The following SLC35F4 variants were observed in gnomAD, a reference collection of about 807,000 sequenced individuals.
The protein encoded by SLC35F4 is solute carrier family 35 member F4.
Under a neutral mutation model 44.2 loss-of-function variants are expected in SLC35F4, and 24 were observed. That is an observed-to-expected ratio of 0.54 (90% CI 0.39 to 0.76). The LOEUF (loss-of-function observed/expected upper bound fraction) is 0.76, where lower values mean the gene tolerates loss of function less well. Ranked by LOEUF, SLC35F4 falls within the 30% of genes least tolerant of loss-of-function variation. SLC35F4 has a pLI of 0.00. For synonymous variants in SLC35F4, 238 were observed against 223.6 expected (o/e 1.06, Z -0.57); for missense variants, 562 against 586.1 (o/e 0.96, Z 0.42).
chr14:57,845,735 A>G (rs1885961392), intron 1 of SLC35F4, among the ~76,000 whole-genome samples: 1 of 152,224 alleles, frequency 6.6e-6, no homozygotes, highest in Non-Finnish European at 1.5e-5. Context: ...CATCAAGTGT[A>G]AATATTTTTT....
intron 1 of SLC35F4, among the ~76,000 whole-genome samples, chr14:57,968,370 G>A (rs1880953655): frequency 6.6e-6 from 1 of 152,112 alleles, no homozygotes; most frequent in Admixed American, 6.6e-5. Context: ...TTACACAATG[G>A]CACAACTACA....
intron 1 of SLC35F4, among the ~76,000 whole-genome samples, chr14:57,822,579 C>T (rs1028534577): frequency 6.6e-6 from 1 of 152,030 alleles, no homozygotes; most frequent in East Asian, 1.9e-4. Context: ...AAAAACCCAA[C>T]ATATTACTAG....
At chr14:57,672,365 A>T (rs1192144917) in intron 1 of SLC35F4, among the ~76,000 whole-genome samples, 1 of 152,140 alleles carries the variant, frequency 6.6e-6, no homozygotes, top group African/African-American at 2.4e-5. Flanking sequence ...ATCAAGAATT[A>T]TAACAACTGA....
At chr14:57,938,961 C>T (rs878085) in intron 1 of SLC35F4, among the ~76,000 whole-genome samples, 62,035 of 151,838 alleles carry the variant, frequency 0.41, 14,280 homozygotes, top group East Asian at 0.8. Flanking sequence ...TAATGTTTAA[C>T]GTAAATTATG....
intron 1 of SLC35F4, among the ~76,000 whole-genome samples, chr14:57,626,327 A>G (rs1371466956): frequency 6.8e-6 from 1 of 147,726 alleles, no homozygotes; most frequent in African/African-American, 2.5e-5. Context: ...TATTTTAAAA[A>G]GGAAACATAA....
intron 1 of SLC35F4, among the ~76,000 whole-genome samples, chr14:57,795,295 A>G (rs555049663): frequency 7.9e-5 from 12 of 152,322 alleles, no homozygotes; most frequent in African/African-American, 2.9e-4. Flanking sequence ...TGTTCTGTCT[A>G]TGACTTTCAC....
At chr14:57,787,264 T>C (rs1027942619) in intron 1 of SLC35F4, among the ~76,000 whole-genome samples, 6 of 152,154 alleles carry the variant, frequency 3.9e-5, no homozygotes, top group Non-Finnish European at 7.4e-5. Flanking sequence ...TCTGGGATTA[T>C]GTTAAACGAC....
chr14:57,647,457 G>T (rs549645695), intron 1 of SLC35F4, among the ~76,000 whole-genome samples: 1 of 151,486 alleles, frequency 6.6e-6, no homozygotes, highest in African/African-American at 2.4e-5. Flanking sequence ...TAGAGCTAAT[G>T]GTGTCTTACA....
intron 1 of SLC35F4, among the ~76,000 whole-genome samples, chr14:57,610,302 G>T (rs537386028): frequency 6.6e-6 from 1 of 152,310 alleles, no homozygotes; most frequent in African/African-American, 2.4e-5. Context: ...GTGAGAATCT[G>T]TAGGACCCTG....
At chr14:57,840,684 A>G (rs1379718741) in intron 1 of SLC35F4, among the ~76,000 whole-genome samples, 1 of 152,178 alleles carries the variant, frequency 6.6e-6, no homozygotes, top group African/African-American at 2.4e-5. Flanking sequence ...AAACCTTATC[A>G]CTCATGATTG....
intron 1 of SLC35F4, among the ~76,000 whole-genome samples, chr14:57,613,333 T>G (rs1180109767): frequency 2.6e-5 from 4 of 152,184 alleles, no homozygotes; most frequent in Admixed American, 6.5e-5. Flanking sequence ...AAGTGAAATA[T>G]CTGAAATTTG....
intron 1 of SLC35F4, among the ~76,000 whole-genome samples, chr14:57,966,831 G>A (rs748324439): frequency 2.6e-5 from 4 of 152,048 alleles, no homozygotes; most frequent in African/African-American, 7.2e-5. Flanking sequence ...CCAACATGGC[G>A]AAACCCCGTC....
chr14:57,972,779 G>A (rs116129719), downstream of SLC35F4, among the ~76,000 whole-genome samples: 917 of 152,266 alleles, frequency 6.0e-3, 8 homozygotes, highest in African/African-American at 0.021. Flanking sequence ...CACACTCATG[G>A]CATTTATCCT....
chr14:57,643,236 G>A (rs1736434132), intron 1 of SLC35F4, among the ~76,000 whole-genome samples: 1 of 151,916 alleles, frequency 6.6e-6, no homozygotes. Context: ...ATTGTATTAA[G>A]ACTTGATATG....
chr14:57,599,569 C>T (rs780412758), intron 1 of SLC35F4, among the ~76,000 whole-genome samples: 111 of 152,156 alleles, frequency 7.3e-4, no homozygotes, highest in Non-Finnish European at 4.3e-4. Flanking sequence ...GGGCCGGGCA[C>T]GGTGGCTCAC....
chr14:57,764,666 T>C (rs1195282501), intron 1 of SLC35F4, among the ~76,000 whole-genome samples: 3 of 152,240 alleles, frequency 2.0e-5, no homozygotes, highest in African/African-American at 7.2e-5. Flanking sequence ...AATGGTTTTA[T>C]GCCACTTTAG....
At chr14:57,689,336 G>T (rs2075159333) in intron 1 of SLC35F4, among the ~76,000 whole-genome samples, 1 of 152,030 alleles carries the variant, frequency 6.6e-6, no homozygotes, top group Non-Finnish European at 1.5e-5. Flanking sequence ...CCACCTTTTA[G>T]CTCATTGTTA....
intron 1 of SLC35F4, among the ~76,000 whole-genome samples, chr14:57,667,490 C>T (rs1356864742): frequency 1.4e-5 from 2 of 146,006 alleles, no homozygotes; most frequent in Non-Finnish European, 3.0e-5. Flanking sequence ...CTCCCTCCCC[C>T]GACCCCACAA....
At chr14:57,961,776 G>T (rs879575947) in intron 1 of SLC35F4, among the ~76,000 whole-genome samples, 5 of 152,110 alleles carry the variant, frequency 3.3e-5, no homozygotes, top group Admixed American at 2.6e-4. Flanking sequence ...CAGCCTATTT[G>T]CCCAGTTAAT....
Sources: allele counts gnomAD v4.1 joint callset (sites outside exome capture counted in the v4.1 genomes callset), GRCh38; gene constraint gnomAD v4.1.1; transcripts MANE v1.5; gene names NCBI Gene and HGNC (gene_info 2026-07-23, HGNC 2026-07-21).